Variants in PDE10A observed in about 807,000 individuals in gnomAD.
PDE10A encodes the protein cAMP and cAMP-inhibited cGMP 3',5'-cyclic phosphodiesterase 10A.
A neutral mutation model predicts 97.7 loss-of-function variants in PDE10A; 39 were observed. That is an observed-to-expected ratio of 0.40 (90% CI 0.31 to 0.52). The LOEUF is 0.52. PDE10A is among the 20% of genes least tolerant of loss of function. The pLI is 0.56. For missense variants in PDE10A, 731 were observed against 1,047.8 expected, an observed-to-expected ratio of 0.70 and a Z score of 4.17; for synonymous variants, 371 against 376.8, an observed-to-expected ratio of 0.98 and a Z score of 0.18.
At chr6:165,862,644 A>C (rs960685856) in intron 1 of PDE10A, among the ~76,000 whole-genome samples, 2 of 151,540 alleles carry the variant, frequency 1.3e-5, no homozygotes, top group African/African-American at 4.9e-5. Context: ...GTCAAAGAAC[A>C]CTGAGTTAGA....
At chr6:165,776,366 T>G (rs1335826451) in intron 1 of PDE10A, among the ~76,000 whole-genome samples, 1 of 152,228 alleles carries the variant, frequency 6.6e-6, no homozygotes, top group African/African-American at 2.4e-5. Flanking sequence ...CCAAGTAGAT[T>G]CAACAAGTTC....
At chr6:165,585,866 G>A (rs1359164571) in intron 1 of PDE10A, among the ~76,000 whole-genome samples, 1 of 152,150 alleles carries the variant, frequency 6.6e-6, no homozygotes, top group Non-Finnish European at 1.5e-5. Flanking sequence ...AGAGGCATGA[G>A]AGTGAGGCAG....
At chr6:165,764,166 G>C (rs944828330) in intron 1 of PDE10A, among the ~76,000 whole-genome samples, 2 of 152,172 alleles carry the variant, frequency 1.3e-5, no homozygotes, top group Non-Finnish European at 1.5e-5. Context: ...GCTCTGCCTG[G>C]GCAGACCTGG....
chr6:165,985,393 G>A (rs1181942764), intron 1 of PDE10A, among the ~76,000 whole-genome samples: 3 of 152,178 alleles, frequency 2.0e-5, no homozygotes, highest in African/African-American at 7.2e-5. Flanking sequence ...TGTTTCCACA[G>A]GAAATTTTCC....
At chr6:165,508,587 A>G (rs947455830) in intron 2 of PDE10A, among the ~76,000 whole-genome samples, 9 of 152,004 alleles carry the variant, frequency 5.9e-5, no homozygotes, top group African/African-American at 9.7e-5. Flanking sequence ...CAGTGTCTAC[A>G]TAACTTTTAA....
chr6:165,851,014 C>A (rs73033987), intron 1 of PDE10A, among the ~76,000 whole-genome samples: 1 of 151,972 alleles, frequency 6.6e-6, no homozygotes. Flanking sequence ...ACTCTGCCTG[C>A]GTGTATAGGA....
intron 1 of PDE10A, among the ~76,000 whole-genome samples, chr6:165,703,097 A>T (rs1311234760): frequency 6.6e-6 from 1 of 152,234 alleles, no homozygotes; most frequent in Non-Finnish European, 1.5e-5. Context: ...GGAGACGTGG[A>T]GGCTGCGCTG....
chr6:165,362,602 T>C (rs1254974481), intron 18 of PDE10A, among the ~76,000 whole-genome samples: 1 of 152,158 alleles, frequency 6.6e-6, no homozygotes, highest in Admixed American at 6.5e-5. Flanking sequence ...GAAACATCTA[T>C]ACCCACATGA....
chr6:165,758,404 T>A (rs1257757251), intron 1 of PDE10A, among the ~76,000 whole-genome samples: 1 of 151,964 alleles, frequency 6.6e-6, no homozygotes, highest in Non-Finnish European at 1.5e-5. Context: ...GAAGATGCAG[T>A]GAGCCGAGAT....
intron 1 of PDE10A, among the ~76,000 whole-genome samples, chr6:165,733,058 G>A (rs1792479878): frequency 6.6e-6 from 1 of 152,144 alleles, no homozygotes; most frequent in Admixed American, 6.5e-5. Flanking sequence ...CATTGCCAGC[G>A]GAGCCTGCAT....
intron 1 of PDE10A, among the ~76,000 whole-genome samples, chr6:165,882,205 G>A (rs1007338861): frequency 1.3e-5 from 2 of 152,146 alleles, no homozygotes; most frequent in Non-Finnish European, 2.9e-5. Flanking sequence ...TCTCATGGTC[G>A]CATGACCCAT....
intron 1 of PDE10A, among the ~76,000 whole-genome samples, chr6:165,982,809 T>C (rs548259429): frequency 6.6e-6 from 1 of 152,276 alleles, no homozygotes; most frequent in Admixed American, 6.5e-5. Context: ...GTCCATTCAG[T>C]TATAATCAAC....
intron 1 of PDE10A, among the ~76,000 whole-genome samples, chr6:165,731,832 C>T (rs1229505223): frequency 1.3e-5 from 2 of 152,160 alleles, no homozygotes; most frequent in Non-Finnish European, 2.9e-5. Flanking sequence ...TTTTCAATTG[C>T]CAACAAGAAT....
intron 1 of PDE10A, among the ~76,000 whole-genome samples, chr6:165,741,044 A>G (rs980532614): frequency 6.6e-6 from 1 of 152,140 alleles, no homozygotes; most frequent in Non-Finnish European, 1.5e-5. Flanking sequence ...GATCTAATGT[A>G]CAGTGTGGTG....
intron 1 of PDE10A, among the ~76,000 whole-genome samples, chr6:165,786,598 T>A (rs1001682822): frequency 2.0e-5 from 3 of 152,198 alleles, no homozygotes. Context: ...AGATGACACA[T>A]GGGCTGTTTT....
At chr6:165,895,432 CT>C (rs1258701462) in intron 1 of PDE10A, among the ~76,000 whole-genome samples, 2 of 152,270 alleles carry the variant, frequency 1.3e-5, no homozygotes, top group African/African-American at 4.8e-5. Flanking sequence ...AGGAAGGATC[CT>C]CCGTGGTGGC....
intron 2 of PDE10A, among the ~76,000 whole-genome samples, chr6:165,494,845 A>C (rs1780448742): frequency 6.6e-6 from 1 of 152,140 alleles, no homozygotes; most frequent in Non-Finnish European, 1.5e-5. Flanking sequence ...TACTATGGAG[A>C]ACTTTGTGAC....
chr6:165,578,095 C>T (rs892735274), intron 1 of PDE10A, among the ~76,000 whole-genome samples: 15 of 152,248 alleles, frequency 9.9e-5, no homozygotes, highest in African/African-American at 3.6e-4. Context: ...TCATTCAATC[C>T]GAACTGACTT....
chr6:165,752,264 T>C (rs1371318487), intron 1 of PDE10A, among the ~76,000 whole-genome samples: 1 of 151,318 alleles, frequency 6.6e-6, no homozygotes, highest in Non-Finnish European at 1.5e-5. Context: ...TATCATCCAA[T>C]AAAAGACTGC....
Sources: gnomAD v4.1 joint callset for allele counts (sites outside exome capture counted in the v4.1 genomes callset) on GRCh38, gnomAD v4.1.1 for gene constraint, MANE v1.5 for transcripts, NCBI Gene and HGNC (gene_info 2026-07-23, HGNC 2026-07-21) for gene names.